Variants in ANXA8 observed in about 807,000 individuals in gnomAD.
ANXA8 encodes VAC-beta.
A neutral mutation model predicts 26.8 loss-of-function variants in ANXA8; 9 were observed. The ratio of observed to expected loss-of-function variants is 0.34; its 90% CI spans 0.20 to 0.59. The LOEUF (loss-of-function observed/expected upper bound fraction) is 0.59. Among genes scored for constraint, ANXA8 ranks in the 20% least tolerant of loss-of-function variants. The pLI is 0.84. For synonymous variants in ANXA8, 39 were observed against 94.8 expected, an observed-to-expected ratio of 0.41 and a Z score of 3.42; for missense variants, 83 against 238.5, an observed-to-expected ratio of 0.35 and a Z score of 4.29.
chr10:47,686,378 C>G, the ANXA8 span, among the ~76,000 whole-genome samples: 164 of 151,660 alleles, frequency 1.1e-3, 3 homozygotes, highest in African/African-American at 3.8e-3. Context: ...GCCACCATAC[C>G]TGGCTAATTT....
At chr10:47,580,383 C>T in the ANXA8 span, among the ~76,000 whole-genome samples, 2 of 152,080 alleles carry the variant, frequency 1.3e-5, no homozygotes, top group Admixed American at 1.3e-4. Flanking sequence ...TGGAACATTC[C>T]CCATGATAAA....
At chr10:47,587,574 A>C in the ANXA8 span, among the ~76,000 whole-genome samples, 1 of 147,224 alleles carries the variant, frequency 6.8e-6, no homozygotes, top group Non-Finnish European at 1.5e-5. Flanking sequence ...ATTGAAACAC[A>C]AGAGGCGAGT....
At chr10:47,598,916 ATTTCC>A in the ANXA8 span, among the ~76,000 whole-genome samples, 1 of 17,528 alleles carries the variant, frequency 5.7e-5, no homozygotes, top group African/African-American at 9.5e-5. Flanking sequence ...AAATAAAATG[ATTTCC>A]ATGAATAAAA....
chr10:47,535,254 G>A, the ANXA8 span, among the ~76,000 whole-genome samples: 1 of 132,434 alleles, frequency 7.6e-6, no homozygotes. Flanking sequence ...GATTACAGGC[G>A]GGAGCCACCA....
chr10:47,666,186 C>A, the ANXA8 span, among the ~76,000 whole-genome samples: 3 of 145,312 alleles, frequency 2.1e-5, no homozygotes, highest in Non-Finnish European at 4.5e-5. Flanking sequence ...TTACCCGCCC[C>A]CCCCATCCCC....
the ANXA8 span, chr10:47,565,820 GGA>G: frequency 2.5e-6 from 3 of 1,204,774 alleles, no homozygotes; most frequent in African/African-American, 4.7e-5. Context: ...TGCCACGGCG[GGA>G]GGCAGCAAGG....
At chr10:47,577,239 A>C in the ANXA8 span, among the ~76,000 whole-genome samples, 17 of 146,330 alleles carry the variant, frequency 1.2e-4, no homozygotes, top group Non-Finnish European at 2.2e-4. Context: ...AAAAAAAAAA[A>C]AAAACAGGGT....
the ANXA8 span, among the ~76,000 whole-genome samples, chr10:47,622,582 C>T: frequency 2.2e-5 from 2 of 88,958 alleles, no homozygotes; most frequent in African/African-American, 5.2e-5. Context: ...TTTCCTGAAA[C>T]ATCTATTAAT....
the ANXA8 span, among the ~76,000 whole-genome samples, chr10:47,769,184 CA>C: frequency 6.9e-6 from 1 of 145,154 alleles, no homozygotes; most frequent in Non-Finnish European, 1.5e-5. Flanking sequence ...GAGTGGGTGT[CA>C]GGGGTGAAGG....
At chr10:47,563,720 T>G in the ANXA8 span, 1 of 809,272 alleles carries the variant, frequency 1.2e-6, no homozygotes, top group Non-Finnish European at 2.2e-6. Flanking sequence ...TAATGAGAAC[T>G]CTGGGGAAAT....
the ANXA8 span, among the ~76,000 whole-genome samples, chr10:47,900,640 A>G: frequency 2.2e-5 from 3 of 139,464 alleles, no homozygotes; most frequent in Admixed American, 1.4e-4. Context: ...AATAAAGACA[A>G]CACAATAAAT....
At chr10:47,945,590 A>G in the ANXA8 span, among the ~76,000 whole-genome samples, 2 of 144,956 alleles carry the variant, frequency 1.4e-5, no homozygotes, top group Admixed American at 6.9e-5. Flanking sequence ...CCTTGGGAGG[A>G]TCAGCCTCTT....
chr10:47,651,142 G>A, the ANXA8 span, among the ~76,000 whole-genome samples: 1 of 151,446 alleles, frequency 6.6e-6, no homozygotes, highest in African/African-American at 2.4e-5. Flanking sequence ...CGAGGCTGCA[G>A]TGAGCAGTGA....
chr10:47,667,122 T>C, the ANXA8 span, among the ~76,000 whole-genome samples: 13 of 152,072 alleles, frequency 8.5e-5, 1 homozygote, highest in African/African-American at 2.9e-4. Context: ...GCAATCATCC[T>C]TGGAATTCTC....
At chr10:47,525,384 C>A in the ANXA8 span, among the ~76,000 whole-genome samples, 2 of 143,292 alleles carry the variant, frequency 1.4e-5, 1 homozygote, top group Non-Finnish European at 3.0e-5. Flanking sequence ...CCTGCCTGGA[C>A]AACAGAGCAG....
chr10:47,676,009 G>C, the ANXA8 span, among the ~76,000 whole-genome samples: 1 of 151,374 alleles, frequency 6.6e-6, no homozygotes, highest in Admixed American at 6.6e-5. Context: ...GAAAAGGAAA[G>C]GGAAGGGAGG....
the ANXA8 span, among the ~76,000 whole-genome samples, chr10:47,756,402 C>T: frequency 1.6e-5 from 2 of 124,080 alleles, no homozygotes; most frequent in East Asian, 2.4e-4. Flanking sequence ...CACTGCCCTG[C>T]GGCCCAGGCG....
the ANXA8 span, among the ~76,000 whole-genome samples, chr10:47,672,709 T>G: frequency 6.6e-6 from 1 of 151,896 alleles, no homozygotes; most frequent in Non-Finnish European, 1.5e-5. Context: ...AATCTTTAGA[T>G]AGTGTAATAC....
At chr10:47,603,281 C>T in the ANXA8 span, among the ~76,000 whole-genome samples, 1,884 of 148,746 alleles carry the variant, frequency 0.013, 30 homozygotes, top group South Asian at 0.027. Flanking sequence ...TTATTATATA[C>T]GGCCAATATT....
Sources: gnomAD v4.1 joint callset for allele counts (sites outside exome capture counted in the v4.1 genomes callset) on GRCh38, gnomAD v4.1.1 for gene constraint, MANE v1.5 for transcripts, NCBI Gene and HGNC (gene_info 2026-07-23, HGNC 2026-07-21) for gene names.